Variants in TKT observed in about 807,000 individuals in gnomAD.
TKT encodes the protein epididymis luminal protein 107.
Under a neutral mutation model 63.9 loss-of-function variants are expected in TKT, and 47 were observed. That is an observed-to-expected ratio of 0.74 (90% CI 0.58 to 0.94). TKT has a LOEUF of 0.94. TKT is among the 40% of genes least tolerant of loss of function. The pLI, the probability that TKT is intolerant of heterozygous loss-of-function variation, is 0.00. For missense variants in TKT, 721 were observed against 846.2 expected (o/e 0.85, Z 1.84); for synonymous variants, 338 against 334.1 (o/e 1.01, Z -0.13).
At chr3:53,242,300 T>C in intron 1 of TKT, 58 bp from the exon 2 acceptor site, 1 of 1,520,956 alleles carries the variant, frequency 6.6e-7, no homozygotes, top group Non-Finnish European at 9.1e-7. Context: ...CCTGAGCTAT[T>C]GTGCTCAGCT....
At chr3:53,252,446 A>G (rs1397525181) in intron 1 of TKT, among the ~76,000 whole-genome samples, 1 of 152,258 alleles carries the variant, frequency 6.6e-6, no homozygotes, top group Non-Finnish European at 1.5e-5. Flanking sequence ...CTTCTGAAAA[A>G]TAAGTTTTCC....
chr3:53,233,414 A>C, intron 5 of TKT, 140 bp from the exon 6 acceptor site: 1 of 530,156 alleles, frequency 1.9e-6, no homozygotes. Context: ...GAGTAGTAGA[A>C]AGCTTGCAAC....
chr3:53,226,904 C>T (rs782699080), intron 12 of TKT, 26 bp from the exon 13 acceptor site: 2 of 1,578,412 alleles, frequency 1.3e-6, no homozygotes, highest in Non-Finnish European at 1.7e-6. Flanking sequence ...CACGGCGTGG[C>T]TGAGGGGAGG....
chr3:53,237,620 G>A (rs1402800980), intron 4 of TKT, among the ~76,000 whole-genome samples: 2 of 151,948 alleles, frequency 1.3e-5, no homozygotes, highest in Non-Finnish European at 2.9e-5. Context: ...GAGGCAGTGT[G>A]CTAAGAATAA....
chr3:53,228,411 C>G (rs1553676103), intron 10 of TKT, 52 bp from the exon 11 acceptor site: 2 of 1,596,308 alleles, frequency 1.3e-6, no homozygotes, highest in East Asian at 2.2e-5. Flanking sequence ...CACCCAACCT[C>G]AGAGACGAGG....
rs1553676312 is a variant in TKT, at chr3:53,229,147, G to C, written c.1265-10C>G. On this transcript the variant is annotated splice_polypyrimidine_tract_variant and intron_variant, in intron 9 of 13. Coordinates refer to ENST00000462138, the MANE Select transcript of TKT (RefSeq NM_001064.4). ...GAGGGCCCGTCTTCCCCTGGGGTGT[G>C]GGGGAAAGGATATGCAGAAATAAGA... 6.2e-7 allele frequency: 1 copy of C among 1,614,036 alleles called. No individual in the cohort carries two copies. Among genetic ancestry groups the C allele is most frequent in the East Asian group, 2.2e-5 (1 of 44,870 alleles).
intron 4 of TKT, 104 bp from the exon 5 acceptor site, chr3:53,235,278 C>T (rs1348610353): frequency 1.0e-5 from 11 of 1,090,626 alleles, no homozygotes; most frequent in Middle Eastern, 3.1e-4. Flanking sequence ...AAGGAGCAGC[C>T]ACGCATGGAT....
chr3:53,242,577 A>G (rs1705328613), intron 1 of TKT, among the ~76,000 whole-genome samples: 1 of 152,122 alleles, frequency 6.6e-6, no homozygotes, highest in Non-Finnish European at 1.5e-5. Context: ...AGCACAGAAG[A>G]CTCAGCCCAA....
intron 1 of TKT, among the ~76,000 whole-genome samples, chr3:53,252,699 T>C (rs1705809487): frequency 6.6e-6 from 1 of 152,166 alleles, no homozygotes; most frequent in Non-Finnish European, 1.5e-5. Context: ...ATTCCACTCT[T>C]TTGGAGCACC....
rs782672021 is a variant in TKT, at chr3:53,255,990, C to T, written c.-48G>A. ...CGCACACGCGGACACACAGAGATAG[C>T]GGCTGCTCCCGCGGCGACAGGCGGC... On this transcript the variant is annotated 5_prime_UTR_variant, in exon 1 of 14. Transcript: ENST00000462138. 9.2e-5 allele frequency: 118 copies of T among 1,281,180 alleles called. No individual in the cohort carries two copies. Among genetic ancestry groups the T allele is most frequent in the Non-Finnish European group, 1.2e-4 (112 of 967,698 alleles). 79.4% of individuals were successfully genotyped at this position (1,281,180 alleles called of 1,614,324 possible). A position where few individuals can be genotyped will look rare whatever the true frequency, so the allele number is the denominator to read the frequency against.
At chr3:53,233,841 C>CT (rs1704884007) in intron 5 of TKT, 1 of 152,298 alleles carries the variant, frequency 6.6e-6, no homozygotes, top group South Asian at 2.1e-4. Context: ...ACTTCTCAAA[C>CT]TGAGTGCCAT....
At chr3:53,235,398 G>A in intron 4 of TKT, 1 of 456,608 alleles carries the variant, frequency 2.2e-6, no homozygotes, top group South Asian at 4.3e-5. Flanking sequence ...GACGTCAGGA[G>A]CTCAGGAAGA....
At chr3:53,240,978 C>T (rs998625791) in intron 3 of TKT, among the ~76,000 whole-genome samples, 154 bp downstream of exon 3, 8 of 152,210 alleles carry the variant, frequency 5.3e-5, no homozygotes, top group Admixed American at 3.3e-4. Context: ...TACGTGTCCC[C>T]AAAACACCTG....
intron 12 of TKT, chr3:53,227,165 T>G (rs1704536017): frequency 3.0e-6 from 1 of 335,132 alleles, no homozygotes; most frequent in East Asian, 6.0e-5. Flanking sequence ...TCCCACAACC[T>G]TGAAGACAAA....
At chr3:53,254,991 C>G (rs1168465463) in intron 1 of TKT, among the ~76,000 whole-genome samples, 1 of 152,246 alleles carries the variant, frequency 6.6e-6, no homozygotes, top group South Asian at 2.1e-4. Flanking sequence ...GACGTCACTC[C>G]CGGCGCTAGG....
At chr3:53,250,551 G>A (rs190256279) in intron 1 of TKT, among the ~76,000 whole-genome samples, 195 of 152,208 alleles carry the variant, frequency 1.3e-3, no homozygotes, top group African/African-American at 4.5e-3. Context: ...CAGGTGGATC[G>A]CTTAAGCCCA....
intron 1 of TKT, among the ~76,000 whole-genome samples, chr3:53,246,856 A>G (rs1216996753): frequency 1.3e-5 from 2 of 151,842 alleles, no homozygotes; most frequent in Non-Finnish European, 2.9e-5. Context: ...CGTCTCAAAA[A>G]AAAAAAAAAG....
intron 1 of TKT, among the ~76,000 whole-genome samples, chr3:53,246,654 A>G (rs1054356691): frequency 1.3e-5 from 2 of 152,118 alleles, no homozygotes; most frequent in Non-Finnish European, 2.9e-5. Context: ...TGAGTTTGAG[A>G]CCAGCTTGAC....
Position 53,255,985 on chromosome 3 carries a change from G to C in TKT, c.-43C>G, listed in dbSNP as rs377316414. ...CCGGGCGCACACGCGGACACACAGA[G>C]ATAGCGGCTGCTCCCGCGGCGACAG... On this transcript the variant is annotated 5_prime_UTR_variant, in exon 1 of 14. In the 5' UTR this introduces an upstream ATG that the reference lacks. Transcript: ENST00000462138. The C allele has an allele frequency of 2.9e-6, 4 of 1,367,552 alleles. No individual in the cohort carries two copies. Among genetic ancestry groups the C allele is most frequent in the Admixed American group, 2.5e-5 (1 of 40,338 alleles). 84.7% of individuals were successfully genotyped at this position (1,367,552 alleles called of 1,614,324 possible). A position where few individuals can be genotyped will look rare whatever the true frequency, so the allele number is the denominator to read the frequency against.
Sources: allele counts gnomAD v4.1 joint callset (sites outside exome capture counted in the v4.1 genomes callset), GRCh38; gene constraint gnomAD v4.1.1; transcripts MANE v1.5; gene names NCBI Gene and HGNC (gene_info 2026-07-23, HGNC 2026-07-21).